Variants in TMEM192 observed in about 807,000 individuals in gnomAD.
The protein encoded by TMEM192 is transmembrane protein 192.
In TMEM192, 20 loss-of-function variants were observed where a neutral mutation model predicts 26.7. That is an observed-to-expected ratio of 0.75 (90% CI 0.53 to 1.09). The LOEUF is 1.09. Ranked by LOEUF, TMEM192 falls within the 50% of genes least tolerant of loss-of-function variation. The probability of loss-of-function intolerance (pLI) is 0.00; values close to 1 mark genes in which losing one functional copy is unlikely to be tolerated. For missense variants in TMEM192, 304 were observed against 322.6 expected (o/e 0.94, Z 0.44); for synonymous variants, 124 against 121.0 (o/e 1.02, Z -0.16).
chr4:165,100,580 A>C, intron 3 of TMEM192, 48 bp downstream of exon 3: 1 of 1,570,764 alleles, frequency 6.4e-7, no homozygotes, highest in African/African-American at 1.4e-5. Context: ...TTCTGCTGTC[A>C]TTTTTGTCCC....
chr4:165,094,035 G>T (rs1734834121), intron 3 of TMEM192, among the ~76,000 whole-genome samples: 1 of 152,146 alleles, frequency 6.6e-6, no homozygotes, highest in Non-Finnish European at 1.5e-5. Context: ...GAGTAGCTGG[G>T]ATTACAGGCA....
At chr4:165,081,235 C>CTTTTTTTT (rs35079183) in intron 5 of TMEM192, among the ~76,000 whole-genome samples, 1 of 145,024 alleles carries the variant, frequency 6.9e-6, no homozygotes, top group Non-Finnish European at 1.5e-5. Flanking sequence ...ACCTCCCACT[C>CTTTTTTTT]TTTTTTTTTT....
At chr4:165,105,711 T>G (rs572679528) in intron 1 of TMEM192, among the ~76,000 whole-genome samples, 1 of 152,342 alleles carries the variant, frequency 6.6e-6, no homozygotes, top group South Asian at 2.1e-4. Context: ...GCCAGGTTGG[T>G]CTTGAACTCT....
At position 165,075,119 on chromosome 4, in the gene TMEM192, C is replaced by T. The variant is rs1163773821; in HGVS notation, c.*4539G>A. 1 of 152,180 alleles carries T rather than the reference C, an allele frequency of 6.6e-6. No homozygotes were observed. The highest frequency in any genetic ancestry group is 1.5e-5 in the Non-Finnish European group (1 of 68,072). 9.4% of individuals were successfully genotyped at this position (152,180 alleles called of 1,614,324 possible). A position where few individuals can be genotyped will look rare whatever the true frequency, so the allele number is the denominator to read the frequency against. ...TGGAGACCAGGTGAGCTGGCTCATGCCTATAATCCCAGCATTTTGGGAGGC... is the reference window on the plus strand; with the variant it reads ...TGGAGACCAGGTGAGCTGGCTCATGTCTATAATCCCAGCATTTTGGGAGGC... On this transcript the variant is annotated 3_prime_UTR_variant, in exon 6 of 6. Transcript: ENST00000306480.
chr4:165,096,934 C>A (rs746409320), intron 3 of TMEM192, among the ~76,000 whole-genome samples: 23 of 147,154 alleles, frequency 1.6e-4, no homozygotes, highest in Non-Finnish European at 2.5e-4. Context: ...CATATAAGAT[C>A]TTTTGTAGTT....
At chr4:165,100,291 C>T (rs1343714370) in intron 3 of TMEM192, among the ~76,000 whole-genome samples, 4 of 151,748 alleles carry the variant, frequency 2.6e-5, no homozygotes, top group Admixed American at 2.6e-4. Flanking sequence ...TCCTGAGTAG[C>T]TGGGATTACA....
intron 1 of TMEM192, among the ~76,000 whole-genome samples, chr4:165,111,192 C>T (rs111982703): frequency 0.016 from 2,510 of 152,202 alleles, 35 homozygotes; most frequent in African/African-American, 0.033. Flanking sequence ...CTCTGCCTTC[C>T]GGGTTCAAGC....
rs1210717603 is a variant in TMEM192 at position 165,079,174 on chromosome 4, A to G, written c.*484T>C. On this transcript the variant is annotated 3_prime_UTR_variant, in exon 6 of 6. Transcript: ENST00000306480. ...CCATGATGTCATCCAACACCACATA[A>G]GCATATAAAATACATGATAAGGCTC... 6.5e-6 allele frequency: 1 copy of G among 153,100 alleles called. No homozygotes were observed. Among genetic ancestry groups the G allele is most frequent in the East Asian group, 1.9e-4 (1 of 5,226 alleles). The allele number at this position is 153,100 out of a possible 1,614,324, so 9.5% of individuals were successfully genotyped here.
Position 165,072,380 on chromosome 4 carries a change from C to T in TMEM192, c.*7278G>A, listed in dbSNP as rs1284881944. 6.6e-6 allele frequency: 1 copy of T among 151,666 alleles called. No homozygotes were observed. The highest frequency in any genetic ancestry group is 1.5e-5 in the Non-Finnish European group (1 of 67,960). 9.4% of individuals were successfully genotyped at this position (151,666 alleles called of 1,614,324 possible). The stretch of plus-strand genomic sequence containing the variant: ...GACCAGCCTGGCTAACATGGTGAAA[C>T]CCCCTTTCTACTAAAAATATAAAAA... On this transcript the variant is annotated 3_prime_UTR_variant, in exon 6 of 6. Coordinates refer to ENST00000306480, the MANE Select transcript of TMEM192 (RefSeq NM_001100389.2).
At chr4:165,092,964 GTA>G (rs912454761) in intron 3 of TMEM192, among the ~76,000 whole-genome samples, 1 of 150,426 alleles carries the variant, frequency 6.6e-6, no homozygotes, top group Admixed American at 6.6e-5. Context: ...AAAAAAAAAA[GTA>G]ACAACACAAA....
At chr4:165,102,928 C>A in intron 2 of TMEM192, 22 bp downstream of exon 2, 1 of 1,601,750 alleles carries the variant, frequency 6.2e-7, no homozygotes, top group Non-Finnish European at 8.5e-7. Flanking sequence ...CTGGATAGGT[C>A]CCCTTCTTGC....
intron 3 of TMEM192, among the ~76,000 whole-genome samples, 178 bp from the exon 4 acceptor site, chr4:165,088,780 T>G (rs1734684873): frequency 6.6e-6 from 1 of 152,046 alleles, no homozygotes; most frequent in Non-Finnish European, 1.5e-5. Flanking sequence ...GGCTCACACC[T>G]GTAATGTCAG....
At chr4:165,109,762 T>C (rs937723975) in intron 1 of TMEM192, among the ~76,000 whole-genome samples, 1 of 152,230 alleles carries the variant, frequency 6.6e-6, no homozygotes, top group Non-Finnish European at 1.5e-5. Flanking sequence ...CACCTTCTTC[T>C]CTCGCCTAAA....
chr4:165,095,684 T>G (rs1473557178), intron 3 of TMEM192, among the ~76,000 whole-genome samples: 1 of 152,150 alleles, frequency 6.6e-6, no homozygotes, highest in African/African-American at 2.4e-5. Flanking sequence ...GGGTTGAAAA[T>G]TACTATTTTC....
chr4:165,081,429 GC>G (rs1364097890), intron 5 of TMEM192, among the ~76,000 whole-genome samples: 22 of 147,980 alleles, frequency 1.5e-4, no homozygotes, highest in African/African-American at 5.0e-4. Context: ...TGTTGCCCAG[GC>G]TGGAGCACAG....
At chr4:165,101,760 G>A (rs1391531350) in intron 2 of TMEM192, among the ~76,000 whole-genome samples, 1 of 152,064 alleles carries the variant, frequency 6.6e-6, no homozygotes, top group African/African-American at 2.4e-5. Context: ...CAAGGAAAGG[G>A]GATACCACCT....
intron 5 of TMEM192, 34 bp downstream of exon 5, chr4:165,085,552 A>C (rs1734591578): frequency 6.9e-7 from 1 of 1,452,160 alleles, no homozygotes; most frequent in Admixed American, 2.0e-5. Context: ...CTAGGGGAAA[A>C]AACTCAATTA....
chr4:165,086,317 C>T (rs1344772731), intron 4 of TMEM192, among the ~76,000 whole-genome samples: 1 of 151,804 alleles, frequency 6.6e-6, no homozygotes, highest in South Asian at 2.1e-4. Context: ...TGAGAAGCTA[C>T]ACGTATGTAT....
At chr4:165,106,076 C>G (rs1430902120) in intron 1 of TMEM192, among the ~76,000 whole-genome samples, 1 of 152,220 alleles carries the variant, frequency 6.6e-6, no homozygotes, top group Non-Finnish European at 1.5e-5. Flanking sequence ...CTGCCTTAAT[C>G]TTGGACTTCC....
Sources: allele counts gnomAD v4.1 joint callset (sites outside exome capture counted in the v4.1 genomes callset), GRCh38; gene constraint gnomAD v4.1.1; transcripts MANE v1.5; gene names NCBI Gene and HGNC (gene_info 2026-07-23, HGNC 2026-07-21).